ATP6V0A4: variants seen among roughly 807,000 people sequenced by gnomAD.
The protein encoded by ATP6V0A4 is V-type proton ATPase 116 kDa subunit a 4.
Under a neutral mutation model 107.3 loss-of-function variants are expected in ATP6V0A4, and 86 were observed. The ratio of observed to expected loss-of-function variants is 0.80; its 90% CI spans 0.67 to 0.96. ATP6V0A4 has a LOEUF of 0.96. ATP6V0A4 is among the 40% of genes least tolerant of loss of function. ATP6V0A4 has a pLI of 0.00. For missense variants in ATP6V0A4, 908 were observed against 1,045.6 expected (o/e 0.87, Z 1.81); for synonymous variants, 353 against 381.4 (o/e 0.93, Z 0.87).
chr7:138,769,308 CTT>C, intron 3 of ATP6V0A4, 57 bp from the exon 4 acceptor site: 1 of 1,248,444 alleles, frequency 8.0e-7, no homozygotes, highest in Non-Finnish European at 1.1e-6. Context: ...CAATAGATTT[CTT>C]TCTTTTTTTT....
At chr7:138,775,561 C>G (rs1335107032) in intron 2 of ATP6V0A4, among the ~76,000 whole-genome samples, 1 of 151,888 alleles carries the variant, frequency 6.6e-6, no homozygotes, top group Non-Finnish European at 1.5e-5. Context: ...ACTGCAGCCT[C>G]AACCTCCTGG....
Position 138,759,801 on chromosome 7 carries a change from A to G in ATP6V0A4, c.590T>C (p.Val197Ala). ...GTCCATCTCACTGAACTTCAAGTACACGTTTCCTCGGCAGATTCGCCACAG... is the reference window on the plus strand; with the variant it reads ...GTCCATCTCACTGAACTTCAAGTACGCGTTTCCTCGGCAGATTCGCCACAG... ...RLLWRICRGN[V>A]YLKFSEMDAP... Residue 197 changes from valine to alanine, a missense_variant, in exon 8 of 22, where the codon GTG becomes GCG. Val to Ala is a moderately conservative substitution (Grantham distance 64). Transcript: ENST00000310018. The G allele has an allele frequency of 6.2e-7, 1 of 1,614,122 alleles. No homozygotes were observed.
intron 2 of ATP6V0A4, among the ~76,000 whole-genome samples, chr7:138,781,246 G>A (rs544870394): frequency 6.6e-6 from 1 of 152,234 alleles, no homozygotes; most frequent in South Asian, 2.1e-4. Context: ...TTATGAACAG[G>A]TATGGAGAAA....
At position 138,793,312 on chromosome 7, in the gene ATP6V0A4, G is replaced by C. The variant is rs575945136; in HGVS notation, c.-121+4722C>G. 4.6e-5 allele frequency among the ~76,000 whole-genome samples: 7 copies of C among 152,222 alleles called. No individual in the cohort carries two copies. In the East Asian group the frequency reaches 1.4e-3, roughly 29 times the overall value. ...TCCATCTCAAAAATATAAAAGAGATGAGGGATATTACACAATGATTTTTTA... is the reference window on the plus strand; with the variant it reads ...TCCATCTCAAAAATATAAAAGAGATCAGGGATATTACACAATGATTTTTTA... On this transcript the variant is annotated intron_variant, in intron 1 of 21. Coordinates refer to ENST00000310018, the MANE Select transcript of ATP6V0A4 (RefSeq NM_020632.3).
At chr7:138,736,602 C>G (rs13227736) in intron 15 of ATP6V0A4, among the ~76,000 whole-genome samples, 74,731 of 151,734 alleles carry the variant, frequency 0.49, 19,928 homozygotes, top group East Asian at 0.81. Flanking sequence ...GACAGAGTCT[C>G]GCTCTGTTGC....
chr7:138,707,109 T>C (rs1803416077), intron 21 of ATP6V0A4, among the ~76,000 whole-genome samples: 1 of 101,274 alleles, frequency 9.9e-6, no homozygotes, highest in Non-Finnish European at 1.8e-5. Flanking sequence ...ATATCATATA[T>C]ATTATTATAT....
intron 21 of ATP6V0A4, among the ~76,000 whole-genome samples, chr7:138,708,478 G>A (rs1021578140): frequency 6.6e-6 from 1 of 152,196 alleles, no homozygotes; most frequent in African/African-American, 2.4e-5. Context: ...GCTTCTTTAT[G>A]AATAGTGGCC....
rs1806704409 is a variant in ATP6V0A4, at chr7:138,759,786, C to G, written c.605G>C (p.Ser202Thr). The G allele has an allele frequency of 1.2e-6, 2 of 1,614,176 alleles. No homozygotes were observed. Among genetic ancestry groups the G allele is most frequent in the Non-Finnish European group, 1.7e-6 (2 of 1,180,024 alleles). The change falls in exon 8 of 22, where the codon AGT becomes ACT. Residue 202 changes from serine (S) to threonine (T), a missense_variant. Physicochemically the swap from Ser to Thr is moderately conservative, Grantham distance 58. Coordinates refer to ENST00000310018, the MANE Select transcript of ATP6V0A4 (RefSeq NM_020632.3). Reference sequence around the variant, plus strand: ...ATCCTCCAGAGGGGCGTCCATCTCACTGAACTTCAAGTACACGTTTCCTCG... The same window carrying G: ...ATCCTCCAGAGGGGCGTCCATCTCAGTGAACTTCAAGTACACGTTTCCTCG... The part of the protein sequence containing the change: ...ICRGNVYLKF[S>T]EMDAPLEDPV...
intron 2 of ATP6V0A4, among the ~76,000 whole-genome samples, chr7:138,781,841 CTCTTTT>C (rs1377307650): frequency 2.4e-5 from 1 of 41,578 alleles, no homozygotes; most frequent in Non-Finnish European, 4.7e-5. Context: ...GTCTCTCTCT[CTCTTTT>C]TTTTTTTTTT....
intron 11 of ATP6V0A4, among the ~76,000 whole-genome samples, chr7:138,751,505 T>A (rs1443968120): frequency 6.6e-6 from 1 of 151,210 alleles, no homozygotes; most frequent in African/African-American, 2.4e-5. Context: ...CCACTCTCCA[T>A]CCTGCCCCTC....
At chr7:138,779,685 A>G (rs1160931706) in intron 2 of ATP6V0A4, among the ~76,000 whole-genome samples, 1 of 152,216 alleles carries the variant, frequency 6.6e-6, no homozygotes, top group Non-Finnish European at 1.5e-5. Flanking sequence ...CTTCCCCAGA[A>G]GAGGAGGTAA....
chr7:138,746,352 C>T (rs111759283), intron 13 of ATP6V0A4, among the ~76,000 whole-genome samples: 10 of 151,920 alleles, frequency 6.6e-5, no homozygotes, highest in Non-Finnish European at 1.0e-4. Context: ...GAAGTGCTGA[C>T]GTGTAACTCT....
intron 15 of ATP6V0A4, among the ~76,000 whole-genome samples, chr7:138,736,343 T>C (rs1365587526): frequency 3.9e-5 from 6 of 152,192 alleles, no homozygotes; most frequent in Admixed American, 2.6e-4. Context: ...TTAGTTCTAC[T>C]GAAAACTCTA....
At chr7:138,721,706 T>C (rs1407875506) in intron 19 of ATP6V0A4, among the ~76,000 whole-genome samples, 191 bp downstream of exon 19, 1 of 152,186 alleles carries the variant, frequency 6.6e-6, no homozygotes, top group African/African-American at 2.4e-5. Context: ...GGTTGCTAAA[T>C]AGCTGTTCTG....
In ATP6V0A4 at chr7:138,709,542, G is replaced by T. The variant is rs1019453455; in HGVS notation, c.2429+82C>A. ...GCTGCTAAAGTCACATACAGCTCAC[G>T]ATCTGAACCCAGTCGGCTGGCCCCA... On this transcript the variant is annotated intron_variant, in intron 21 of 21. Coordinates refer to ENST00000310018, the MANE Select transcript of ATP6V0A4 (RefSeq NM_020632.3). 9.6e-6 allele frequency: 13 copies of T among 1,360,164 alleles called. No individual in the cohort carries two copies. The South Asian group carries it at 1.1e-4, about 11-fold the overall frequency. The allele number at this position is 1,360,164 out of a possible 1,614,324, so 84.3% of individuals were successfully genotyped here.
chr7:138,772,554 A>G (rs1424486074), intron 2 of ATP6V0A4, among the ~76,000 whole-genome samples: 1 of 152,202 alleles, frequency 6.6e-6, no homozygotes, highest in Non-Finnish European at 1.5e-5. Context: ...ACTGCTGATT[A>G]AAGAAAGACT....
chr7:138,787,573 G>T lies in ATP6V0A4; in HGVS notation c.-120-1313C>A, dbSNP rs535917624. ...AGGCTGAGGTGGGAGGATCACTGGA[G>T]CCCAGGAGTTCGAGGCTGTAATACA... is the stretch of plus-strand genomic sequence containing the variant. On this transcript the variant is annotated intron_variant, in intron 1 of 21. Coordinates refer to ENST00000310018, the MANE Select transcript of ATP6V0A4 (RefSeq NM_020632.3). 3.9e-5 allele frequency among the ~76,000 whole-genome samples: 6 copies of T among 152,270 alleles called. No individual in the cohort carries two copies. The East Asian group carries it at 9.7e-4, about 24-fold the overall frequency.
chr7:138,715,197 G>T (rs747187116), intron 20 of ATP6V0A4, among the ~76,000 whole-genome samples: 1 of 152,122 alleles, frequency 6.6e-6, no homozygotes, highest in Non-Finnish European at 1.5e-5. Flanking sequence ...GTGTTGTTGG[G>T]TTTTTTGTTT....
At chr7:138,787,080 T>C (rs1303670969) in intron 1 of ATP6V0A4, among the ~76,000 whole-genome samples, 2 of 152,206 alleles carry the variant, frequency 1.3e-5, no homozygotes, top group African/African-American at 4.8e-5. Context: ...AGGGAGCAGA[T>C]GCAATTTGCT....
Sources: gnomAD v4.1 joint callset for allele counts (sites outside exome capture counted in the v4.1 genomes callset) on GRCh38, gnomAD v4.1.1 for gene constraint, MANE v1.5 for transcripts, NCBI Gene and HGNC (gene_info 2026-07-23, HGNC 2026-07-21) for gene names.